The following BCAR3 variants were observed in gnomAD, a reference collection of about 807,000 sequenced individuals.
The protein encoded by BCAR3 is breast cancer anti-estrogen resistance protein 3.
Under a neutral mutation model 80.1 loss-of-function variants are expected in BCAR3, and 37 were observed. The observed-to-expected ratio is 0.46, with a 90% CI of 0.36 to 0.61. BCAR3 has a LOEUF of 0.61. Among genes scored for constraint, BCAR3 ranks in the 20% least tolerant of loss-of-function variants. BCAR3 has a pLI of 0.00. For missense variants in BCAR3, 978 were observed against 1,068.2 expected, an observed-to-expected ratio of 0.92 and a Z score of 1.18; for synonymous variants, 389 against 418.9, an observed-to-expected ratio of 0.93 and a Z score of 0.87.
intron 2 of BCAR3, among the ~76,000 whole-genome samples, chr1:93,799,184 T>C (rs748922478): frequency 6.6e-6 from 1 of 152,206 alleles, no homozygotes; most frequent in Non-Finnish European, 1.5e-5. Context: ...TTGCTGACTA[T>C]CAGAGCCAAC....
chr1:93,601,731 C>T lies in BCAR3; in HGVS notation c.358-9338G>A, dbSNP rs1397401844. ...TCATTTATTCCATGATCAAGCCTGG[C>T]AATTAACTTGGTTGAATAAAGAAAA... On this transcript the variant is annotated intron_variant, in intron 3 of 11. Transcript: ENST00000260502. 5.9e-5 allele frequency among the ~76,000 whole-genome samples: 9 copies of T among 152,106 alleles called. No individual in the cohort carries two copies. The South Asian group carries it at 1.9e-3, about 32-fold the overall frequency.
At chr1:93,663,722 G>A (rs1430331516) in intron 2 of BCAR3, among the ~76,000 whole-genome samples, 1 of 152,140 alleles carries the variant, frequency 6.6e-6, no homozygotes, top group African/African-American at 2.4e-5. Flanking sequence ...ATAAAGCCTG[G>A]CACACCAAAG....
At chr1:93,673,990 A>G (rs998085798) in intron 2 of BCAR3, among the ~76,000 whole-genome samples, 13 of 152,362 alleles carry the variant, frequency 8.5e-5, no homozygotes, top group African/African-American at 3.1e-4. Flanking sequence ...CATAATGTTA[A>G]GAAGTGGTTT....
At chr1:93,676,711 C>T (rs919096875) in intron 1 of BCAR3, among the ~76,000 whole-genome samples, 1 of 152,222 alleles carries the variant, frequency 6.6e-6, no homozygotes, top group Admixed American at 6.5e-5. Context: ...ATTCTTCCAC[C>T]CTACACACAC....
At chr1:93,780,580 A>AC (rs1376507829) in intron 2 of BCAR3, among the ~76,000 whole-genome samples, 2 of 151,928 alleles carry the variant, frequency 1.3e-5, no homozygotes, top group Non-Finnish European at 2.9e-5. Flanking sequence ...GAAAAAAAAA[A>AC]AAAACAAGAT....
At chr1:93,564,286 C>CGGAA (rs1672832538) in intron 11 of BCAR3, among the ~76,000 whole-genome samples, 1 of 109,044 alleles carries the variant, frequency 9.2e-6, no homozygotes, top group East Asian at 2.6e-4. Context: ...GAATTTCTTT[C>CGGAA]TTTCTTTTTT....
rs540381362 is a variant in BCAR3, at chr1:93,822,586, G to A, written c.-63+22981C>T. Among the ~76,000 whole-genome samples the A allele has an allele frequency of 5.3e-5, 8 of 152,120 alleles. No individual in the cohort carries two copies. The South Asian group carries it at 6.2e-4, about 12-fold the overall frequency. ...ATTCTGAGCTCAAAGTAATCTGCCC[G>A]CCTCGGCCTCCTAAAGTGCTGGGAT... On this transcript the variant is annotated intron_variant, in intron 2 of 13. Coordinates refer to the BCAR3 transcript ENST00000370244.
At chr1:93,637,976 G>A (rs1035746613) in intron 3 of BCAR3, among the ~76,000 whole-genome samples, 15 of 152,190 alleles carry the variant, frequency 9.9e-5, no homozygotes, top group African/African-American at 2.7e-4. Flanking sequence ...GGGCTGGGGC[G>A]CGGTGGCTCA....
chr1:93,754,707 TA>T (rs1244339991), intron 2 of BCAR3, among the ~76,000 whole-genome samples: 1 of 152,190 alleles, frequency 6.6e-6, no homozygotes, highest in East Asian at 1.9e-4. Flanking sequence ...TAAACAAACA[TA>T]TTGCACTGCC....
intron 2 of BCAR3, among the ~76,000 whole-genome samples, chr1:93,832,828 T>C (rs554702308): frequency 2.6e-5 from 4 of 152,302 alleles, no homozygotes; most frequent in South Asian, 2.1e-4. Flanking sequence ...AGAGACATTT[T>C]AACTAAATTA....
At chr1:93,803,087 C>A (rs1326842207) in intron 2 of BCAR3, among the ~76,000 whole-genome samples, 1 of 152,190 alleles carries the variant, frequency 6.6e-6, no homozygotes, top group Non-Finnish European at 1.5e-5. Context: ...GCATCCCCTG[C>A]AGGATCTATT....
intron 2 of BCAR3, among the ~76,000 whole-genome samples, chr1:93,787,784 C>T (rs1653001963): frequency 6.6e-6 from 1 of 152,102 alleles, no homozygotes; most frequent in Non-Finnish European, 1.5e-5. Flanking sequence ...AATATATATT[C>T]TTCAGTTGTT....
intron 2 of BCAR3, among the ~76,000 whole-genome samples, chr1:93,773,807 C>A (rs74101509): frequency 6.6e-6 from 1 of 152,016 alleles, no homozygotes; most frequent in Non-Finnish European, 1.5e-5. Context: ...ATTAATGCTC[C>A]TTTTTTTAAA....
intron 2 of BCAR3, among the ~76,000 whole-genome samples, chr1:93,742,176 C>T (rs990093743): frequency 3.3e-5 from 5 of 152,250 alleles, no homozygotes; most frequent in Middle Eastern, 3.4e-3. Context: ...AGAGTGAAGA[C>T]GTCTCTTTTG....
intron 2 of BCAR3, among the ~76,000 whole-genome samples, chr1:93,827,357 A>G (rs1654408337): frequency 6.6e-6 from 1 of 152,104 alleles, no homozygotes; most frequent in Non-Finnish European, 1.5e-5. Flanking sequence ...AGTGTCATTT[A>G]TCCAAAGCAG....
intron 2 of BCAR3, among the ~76,000 whole-genome samples, chr1:93,763,034 T>C (rs1652009155): frequency 6.6e-6 from 1 of 152,224 alleles, no homozygotes; most frequent in Non-Finnish European, 1.5e-5. Flanking sequence ...CATGTCATGA[T>C]CTACATAAAC....
intron 3 of BCAR3, among the ~76,000 whole-genome samples, chr1:93,705,159 G>A (rs575083811): frequency 7.9e-5 from 12 of 152,302 alleles, no homozygotes; most frequent in African/African-American, 2.4e-4. Context: ...TGATCCAGGT[G>A]GGAACCCAAC....
At chr1:93,830,603 C>T (rs1654525196) in intron 2 of BCAR3, among the ~76,000 whole-genome samples, 1 of 152,174 alleles carries the variant, frequency 6.6e-6, no homozygotes, top group Admixed American at 6.5e-5. Flanking sequence ...CCACTACCCA[C>T]CCAAATCCTA....
chr1:93,680,788 C>T (rs1461131948), intron 1 of BCAR3, among the ~76,000 whole-genome samples: 2 of 152,224 alleles, frequency 1.3e-5, no homozygotes, highest in African/African-American at 4.8e-5. Flanking sequence ...CCACGGAACA[C>T]GCCGCCTTGC....
Sources: gnomAD v4.1 joint callset for allele counts (sites outside exome capture counted in the v4.1 genomes callset) on GRCh38, gnomAD v4.1.1 for gene constraint, MANE v1.5 for transcripts, NCBI Gene and HGNC (gene_info 2026-07-23, HGNC 2026-07-21) for gene names.